The following ADCY4 variants were observed in gnomAD, a reference collection of about 807,000 sequenced individuals.
ADCY4 encodes adenylate cyclase type 4.
ADCY4 carries 111 observed loss-of-function variants against 125.5 expected under a neutral mutation model. That is an observed-to-expected ratio of 0.88 (90% CI 0.76 to 1.04). The LOEUF (loss-of-function observed/expected upper bound fraction) is 1.04. Ranked by LOEUF, ADCY4 falls within the 50% of genes least tolerant of loss-of-function variation. The pLI is 0.00. For missense variants in ADCY4, 1,256 were observed against 1,382.9 expected, an observed-to-expected ratio of 0.91 and a Z score of 1.46; for synonymous variants, 576 against 586.9, an observed-to-expected ratio of 0.98 and a Z score of 0.27.
chr14:24,326,896 A>ATTTTTTTTTTTTTTTTTTTTT (rs3078135), intron 10 of ADCY4, among the ~76,000 whole-genome samples: 1 of 109,920 alleles, frequency 9.1e-6, no homozygotes, highest in African/African-American at 3.9e-5. Flanking sequence ...ACCTGGCTGG[A>ATTTTTTTTTTTTTTTTTTTTT]TTTTTTTTTT....
chr14:24,321,703 G>T, intron 20 of ADCY4: 1 of 712,908 alleles, frequency 1.4e-6, no homozygotes, highest in Non-Finnish European at 1.7e-6. Flanking sequence ...GGTAGTGCTG[G>T]CTCACCGCTC....
intron 14 of ADCY4, 131 bp from the exon 15 acceptor site, chr14:24,324,522 C>G: frequency 9.8e-7 from 1 of 1,018,942 alleles, no homozygotes; most frequent in Non-Finnish European, 1.5e-6. Context: ...GCGATGGGGT[C>G]CCGGCTGATA....
At chr14:24,326,614 T>TGA (rs879823970) in intron 10 of ADCY4, 3,903 of 378,944 alleles carry the variant, frequency 0.01, 37 homozygotes, top group Non-Finnish European at 0.015. Flanking sequence ...TGTGTGTGTG[T>TGA]GACTGAATCT....
intron 10 of ADCY4, among the ~76,000 whole-genome samples, chr14:24,328,238 G>T (rs2877642): frequency 0.2 from 28,497 of 142,356 alleles, 3,949 homozygotes; most frequent in Admixed American, 0.33. Flanking sequence ...GGGTGGGGGG[G>T]GGGGTCTCCC....
rs998955518 is a variant in ADCY4 at position 24,326,368 on chromosome 14, G to C, written c.1525-26C>G. The stretch of plus-strand genomic sequence containing the variant: ...CTGTTGGGAGAGCACAGGGGGAGGT[G>C]GGCATGGTGGGTGTTTTCCCTGCAG... On this transcript the variant is annotated intron_variant, in intron 10 of 24. Transcript: ENST00000418030. 7 of 1,596,374 alleles carry C rather than the reference G, an allele frequency of 4.4e-6. No homozygotes were observed. The South Asian group carries it at 6.7e-5, about 15-fold the overall frequency.
chr14:24,330,396 A>AGGGGTTGGGGTTTGTGGGGT, intron 6 of ADCY4, 101 bp from the exon 7 acceptor site: 1 of 1,537,912 alleles, frequency 6.5e-7, no homozygotes, highest in Non-Finnish European at 8.9e-7. Flanking sequence ...TTCCTGAAGA[A>AGGGGTTGGGGTTTGTGGGGT]CTTCCAAGGT....
At position 24,332,538 on chromosome 14, in the gene ADCY4, G is replaced by C. The variant is rs1404960785; in HGVS notation, c.503C>G (p.Pro168Arg). The change falls in exon 3 of 25, where the codon CCT becomes CGT. Residue 168 changes from proline (P) to arginine (R), a missense_variant. Coordinates refer to ENST00000418030, the MANE Select transcript of ADCY4 (RefSeq NM_001198568.2). ...CGTGCTCACCTGCGGCAGCAGTGCA[G>C]GCCGTGAGTCCGGCTGTGGCCCAAG... The part of the protein sequence containing the change: ...LYLGPQPDSR[P>R]ALLPQLAANA... 1 of 1,569,654 alleles carries C rather than the reference G, an allele frequency of 6.4e-7. No individual in the cohort carries two copies. The highest frequency in any genetic ancestry group is 2.3e-5 in the East Asian group (1 of 42,930).
Position 24,319,265 on chromosome 14 carries a change from C to T in ADCY4, c.2842-53G>A. On this transcript the variant is annotated intron_variant, in intron 22 of 24. Coordinates refer to ENST00000418030, the MANE Select transcript of ADCY4 (RefSeq NM_001198568.2). This position sits in a 1 kb window ranked among gnomAD's most constrained non-coding sequence, Gnocchi z 4.5. The stretch of plus-strand genomic sequence containing the variant: ...GGCCAGTGAGGGCACAGGAATAAGT[C>T]CCACTAATAAGCCCATCAATGAGAG... 6.2e-7 allele frequency: 1 copy of T among 1,612,552 alleles called. No homozygotes were observed. The highest frequency in any genetic ancestry group is 8.5e-7 in the Non-Finnish European group (1 of 1,178,636).
At chr14:24,323,686 T>C in intron 16 of ADCY4, 1 of 1,381,878 alleles carries the variant, frequency 7.2e-7, no homozygotes, top group Non-Finnish European at 9.4e-7. Context: ...TGTGAGCTCT[T>C]GCCAGCCACT....
In ADCY4 at chr14:24,331,066, C is replaced by T. The variant is rs200174252; in HGVS notation, c.882G>A (p.Leu294=). ...CAAAGAGCTCATTGAGCATGAGCAC[C>T]AGCTCCTTAGGGGAACACTCGCTGG... The part of the protein sequence containing the change: ...RLASECSPKE[L]VLMLNELFGK... The change falls in exon 6 of 25, where the codon CTG becomes CTA. Residue 294 remains leucine, a synonymous_variant. Transcript: ENST00000418030. 1.2e-6 allele frequency: 2 copies of T among 1,613,220 alleles called. No homozygotes were observed. The highest frequency in any genetic ancestry group is 8.5e-7 in the Non-Finnish European group (1 of 1,179,326).
rs547314741 is a variant in ADCY4 at position 24,330,496 on chromosome 14, C to T, written c.931-201G>A. ...ACAGATCTCTTTCTCAGAAGAGTTT[C>T]CCCAAGGGCTGGATGGCTGTGGCTC... On this transcript the variant is annotated intron_variant, in intron 6 of 24. Transcript: ENST00000418030. The T allele has an allele frequency of 5.8e-6, 4 of 690,654 alleles. No individual in the cohort carries two copies. The South Asian group carries it at 6.2e-5, about 11-fold the overall frequency. The allele number at this position is 690,654 out of a possible 1,614,324, so 42.8% of individuals were successfully genotyped here.
Position 24,331,018 on chromosome 14 carries a change from C to G in ADCY4, c.930G>C (p.Lys310Asn). 1 of 1,600,144 alleles carries G rather than the reference C, an allele frequency of 6.2e-7. No homozygotes were observed. Among genetic ancestry groups the G allele is most frequent in the South Asian group, 1.1e-5 (1 of 89,886 alleles). The change falls in exon 6 of 25, where the codon AAG becomes AAC. Residue 310 changes from lysine to asparagine, a missense_variant and splice_region_variant. Physicochemically the swap from Lys to Asn is moderately conservative, Grantham distance 94. Transcript: ENST00000418030. ...GGTGGGGAGGGAAGTCTTCTCTGAC[C>G]TTGGCAATCTGGTCGAACTTGCCAA... is the stretch of plus-strand genomic sequence containing the variant. ...ELFGKFDQIA[K>N]EHECMRIKIL...
In ADCY4 at chr14:24,321,770, C is replaced by G. The variant is rs1441611553; in HGVS notation, c.2586+296G>C. The G allele has an allele frequency of 2.7e-6, 3 of 1,105,290 alleles. No individual in the cohort carries two copies. The East Asian group carries it at 1.6e-4, about 59-fold the overall frequency. 68.5% of individuals were successfully genotyped at this position (1,105,290 alleles called of 1,614,324 possible). ...GTCATGGACTAGTATCAGTCTGCGG[C>G]CTGGGGGCTGGGGACCCCTGCTCCA... On this transcript the variant is annotated intron_variant, in intron 20 of 24. Transcript: ENST00000418030.
At chr14:24,325,588 C>G in intron 13 of ADCY4, 114 bp from the exon 14 acceptor site, 1 of 996,756 alleles carries the variant, frequency 1.0e-6, no homozygotes, top group Non-Finnish European at 1.5e-6. Flanking sequence ...GGCTCCAGTT[C>G]AGTTCCATGT....
chr14:24,322,859 C>T, intron 18 of ADCY4, 45 bp downstream of exon 18: 1 of 1,554,212 alleles, frequency 6.4e-7, no homozygotes, highest in Non-Finnish European at 8.7e-7. Context: ...CCCATCTCAC[C>T]CCATCCCAGG....
rs1328475350 is a variant in ADCY4 at position 24,324,464 on chromosome 14, G to A, written c.1824-73C>T. On this transcript the variant is annotated intron_variant, in intron 14 of 24. Transcript: ENST00000418030. Reference sequence around the variant, plus strand: ...TGTGTGCTATGAAGGTGCTGTGTGAGCTGGGTGGGAGATAGGGGAAGTGGT... The same window carrying A: ...TGTGTGCTATGAAGGTGCTGTGTGAACTGGGTGGGAGATAGGGGAAGTGGT... 3.3e-6 allele frequency: 5 copies of A among 1,509,372 alleles called. No individual in the cohort carries two copies. The African/African-American group carries it at 4.1e-5, about 12-fold the overall frequency. The allele number at this position is 1,509,372 out of a possible 1,614,324, so 93.5% of individuals were successfully genotyped here.
At chr14:24,324,433 G>T (rs749999017) in intron 14 of ADCY4, 42 bp from the exon 15 acceptor site, 2 of 1,566,400 alleles carry the variant, frequency 1.3e-6, no homozygotes, top group Non-Finnish European at 1.8e-6. Flanking sequence ...GCCAGAACAG[G>T]CTCCCTGTGT....
chr14:24,330,917 AG>A, intron 6 of ADCY4, 100 bp downstream of exon 6: 2 of 1,036,008 alleles, frequency 1.9e-6, no homozygotes, highest in Non-Finnish European at 2.8e-6. Flanking sequence ...CATGCACTGA[AG>A]TGGGCCTGGG....
In ADCY4 at chr14:24,319,784, C is replaced by T. The variant is rs1566430428; in HGVS notation, c.2691G>A (p.Glu897=). 6.2e-7 allele frequency: 1 copy of T among 1,614,206 alleles called. No homozygotes were observed. Among genetic ancestry groups the T allele is most frequent in the Non-Finnish European group, 8.5e-7 (1 of 1,180,042 alleles). Residue 897 remains glutamate (E), a synonymous_variant, in exon 21 of 25, where the codon GAG becomes GAA. Coordinates refer to ENST00000418030, the MANE Select transcript of ADCY4 (RefSeq NM_001198568.2). The surrounding 1 kb of genome is among the most constrained non-coding windows in gnomAD (Gnocchi z 4.5). ...SESNINHEGL[E]CLRLLNEIIA... ...TTATCTCATTGAGCAGCCTCAGACACTCTAGGCCCTCATGATTGATGTTGG... is the reference window on the plus strand; with the variant it reads ...TTATCTCATTGAGCAGCCTCAGACATTCTAGGCCCTCATGATTGATGTTGG...
Sources: allele counts gnomAD v4.1 joint callset (sites outside exome capture counted in the v4.1 genomes callset), GRCh38; gene constraint gnomAD v4.1.1; non-coding constraint Gnocchi (gnomAD v3.1); transcripts MANE v1.5; gene names NCBI Gene and HGNC (gene_info 2026-07-23, HGNC 2026-07-21).